The following DGKB variants were observed in gnomAD, a reference collection of about 807,000 sequenced individuals.
The protein encoded by DGKB is diacylglycerol kinase beta, also known as 90 kDa diacylglycerol kinase.
DGKB carries 67 observed loss-of-function variants against 114.3 expected under a neutral mutation model. The ratio of observed to expected loss-of-function variants is 0.59; its 90% CI spans 0.48 to 0.72. The LOEUF is 0.72. Among genes scored for constraint, DGKB ranks in the 30% least tolerant of loss-of-function variants. The probability of loss-of-function intolerance (pLI) is 0.00; values close to 1 mark genes in which losing one functional copy is unlikely to be tolerated. For synonymous variants in DGKB, 398 were observed against 323.1 expected (o/e 1.23, Z -2.49); for missense variants, 907 against 975.2 (o/e 0.93, Z 0.93).
At chr7:14,720,471 ATT>A (rs1554620181) in intron 5 of DGKB, among the ~76,000 whole-genome samples, 7 of 104,206 alleles carry the variant, frequency 6.7e-5, no homozygotes, top group South Asian at 3.5e-4. Context: ...CGCCCGGCTG[ATT>A]TGTGTGTGTG....
At chr7:14,817,166 T>G (rs1844272335) in intron 2 of DGKB, among the ~76,000 whole-genome samples, 2 of 152,186 alleles carry the variant, frequency 1.3e-5, no homozygotes, top group South Asian at 4.1e-4. Context: ...GATCTTGACT[T>G]TCACTTCTGA....
At chr7:14,655,032 G>C (rs1815474805) in intron 13 of DGKB, among the ~76,000 whole-genome samples, 1 of 151,704 alleles carries the variant, frequency 6.6e-6, no homozygotes, top group Non-Finnish European at 1.5e-5. Context: ...GGACAAACAA[G>C]ACTATATGAA....
At chr7:14,512,895 C>T (rs1173629082) in intron 20 of DGKB, among the ~76,000 whole-genome samples, 2 of 152,054 alleles carry the variant, frequency 1.3e-5, no homozygotes, top group South Asian at 2.1e-4. Context: ...TATGATCATT[C>T]ATTTTACTCT....
rs111609521 is a variant in DGKB at position 14,459,041 on chromosome 7, G to A, written c.1835+19120C>T. ...GGGAGGGGCGTCCGCCATTACTGAA[G>A]CTTGAGTAGGCGGTTTTACCCTCAC... On this transcript the variant is annotated intron_variant, in intron 21 of 25. Transcript: ENST00000402815. 9.3e-3 allele frequency among the ~76,000 whole-genome samples: 1,410 copies of A among 152,300 alleles called. 24 individuals carry two copies. The highest frequency in any genetic ancestry group is 0.032 in the African/African-American group (1,350 of 41,580).
intron 13 of DGKB, among the ~76,000 whole-genome samples, chr7:14,658,348 A>G (rs28499052): frequency 0.48 from 73,472 of 151,810 alleles, 18,696 homozygotes; most frequent in Non-Finnish European, 0.56. Flanking sequence ...TCTCATTCAT[A>G]TGTGGGAGTT....
intron 2 of DGKB, among the ~76,000 whole-genome samples, chr7:14,808,578 A>T (rs560369627): frequency 6.6e-6 from 1 of 152,268 alleles, no homozygotes; most frequent in East Asian, 1.9e-4. Flanking sequence ...GAAGTTTTGC[A>T]CAAGATAAAG....
At chr7:14,839,503 G>A (rs946002966) in intron 2 of DGKB, among the ~76,000 whole-genome samples, 2 of 149,082 alleles carry the variant, frequency 1.3e-5, no homozygotes, top group African/African-American at 5.0e-5. Flanking sequence ...CTGGGCTCCA[G>A]CAATCCTCTC....
chr7:14,151,332 T>C (rs1782168575), intron 25 of DGKB, among the ~76,000 whole-genome samples: 2 of 151,982 alleles, frequency 1.3e-5, no homozygotes, highest in African/African-American at 2.4e-5. Flanking sequence ...ATATATATGT[T>C]AGTATCAATT....
At chr7:14,776,032 A>C (rs538417187) in intron 2 of DGKB, among the ~76,000 whole-genome samples, 7 of 152,094 alleles carry the variant, frequency 4.6e-5, no homozygotes, top group Non-Finnish European at 1.0e-4. Context: ...TGGACAATGA[A>C]GTCCAAGCTG....
intron 9 of DGKB, among the ~76,000 whole-genome samples, chr7:14,693,055 T>C (rs2128993054): frequency 1.3e-5 from 2 of 152,250 alleles, no homozygotes; most frequent in Middle Eastern, 6.8e-3. Flanking sequence ...TTTTAAAAAT[T>C]TGGTGTCTTG....
chr7:14,488,789 C>T (rs1784190530), intron 20 of DGKB, among the ~76,000 whole-genome samples: 1 of 150,818 alleles, frequency 6.6e-6, no homozygotes, highest in South Asian at 2.1e-4. Flanking sequence ...GACTGCGCCA[C>T]TGCACTCCAT....
At chr7:14,916,116 T>TA (rs36031904) in intron 1 of DGKB, among the ~76,000 whole-genome samples, 37,868 of 151,850 alleles carry the variant, frequency 0.25, 7,723 homozygotes, top group East Asian at 0.81. Flanking sequence ...TTTGAAACAG[T>TA]ATACTATACT....
intron 20 of DGKB, among the ~76,000 whole-genome samples, chr7:14,505,044 A>C (rs145727383): frequency 1.2e-4 from 19 of 152,324 alleles, no homozygotes; most frequent in Non-Finnish European, 5.9e-5. Context: ...CTACGGTGCT[A>C]TCTCTTAACC....
intron 23 of DGKB, among the ~76,000 whole-genome samples, chr7:14,329,948 A>G (rs572470107): frequency 1.1e-4 from 16 of 152,150 alleles, no homozygotes; most frequent in Non-Finnish European, 1.9e-4. Flanking sequence ...GTGATCTGCC[A>G]CTATTTTCAA....
chr7:14,591,280 C>T (rs962607696), intron 17 of DGKB, among the ~76,000 whole-genome samples: 2 of 152,076 alleles, frequency 1.3e-5, no homozygotes, highest in African/African-American at 4.8e-5. Flanking sequence ...CCTATCAGTT[C>T]CACAGTGTTC....
intron 25 of DGKB, 113 bp downstream of exon 25, chr7:14,176,726 A>G (rs974337478): frequency 7.2e-6 from 11 of 1,533,760 alleles, no homozygotes; most frequent in South Asian, 1.3e-5. Context: ...CAAAAAGACT[A>G]TTTGCTGATA....
intron 1 of DGKB, among the ~76,000 whole-genome samples, chr7:14,871,956 C>G (rs576875979): frequency 6.6e-6 from 1 of 152,076 alleles, no homozygotes; most frequent in Admixed American, 6.6e-5. Flanking sequence ...GCTAAAGCTT[C>G]TATGATTTAT....
chr7:14,304,545 G>C (rs1681856906), intron 23 of DGKB, among the ~76,000 whole-genome samples: 1 of 152,004 alleles, frequency 6.6e-6, no homozygotes, highest in Admixed American at 6.6e-5. Flanking sequence ...TAGTTTTTTT[G>C]CATTACAGCC....
chr7:14,439,472 C>T (rs1296957850), intron 21 of DGKB, among the ~76,000 whole-genome samples: 1 of 152,088 alleles, frequency 6.6e-6, no homozygotes, highest in Admixed American at 6.6e-5. Flanking sequence ...CTCCTTACTT[C>T]CTCTCCCATC....
Sources: allele counts gnomAD v4.1 joint callset (sites outside exome capture counted in the v4.1 genomes callset), GRCh38; gene constraint gnomAD v4.1.1; transcripts MANE v1.5; gene names NCBI Gene and HGNC (gene_info 2026-07-23, HGNC 2026-07-21).